USP32: variants seen among roughly 807,000 people sequenced by gnomAD.
USP32 encodes ubiquitin carboxyl-terminal hydrolase 32.
A neutral mutation model predicts 204.8 loss-of-function variants in USP32; 59 were observed. The ratio of observed to expected loss-of-function variants is 0.29; its 90% CI spans 0.23 to 0.36. USP32 has a LOEUF of 0.36. Among genes scored for constraint, USP32 ranks in the 10% least tolerant of loss-of-function variants. The pLI is 1.00. For missense variants in USP32, 1,160 were observed against 1,946.4 expected (o/e 0.60, Z 7.60); for synonymous variants, 517 against 678.4 (o/e 0.76, Z 3.70).
chr17:60,340,576 A>G (rs2145990597), intron 2 of USP32, among the ~76,000 whole-genome samples: 1 of 152,188 alleles, frequency 6.6e-6, no homozygotes, highest in South Asian at 2.1e-4. Flanking sequence ...TGCACGTGAG[A>G]TGGGTCTCCT....
chr17:60,358,583 TAATAAA>T (rs757787405), intron 1 of USP32, among the ~76,000 whole-genome samples: 4 of 151,846 alleles, frequency 2.6e-5, no homozygotes, highest in Non-Finnish European at 5.9e-5. Context: ...CAAAAAAACA[TAATAAA>T]AATAAAAATA....
chr17:60,398,626 T>A (rs999439722), intron 1 of USP32, among the ~76,000 whole-genome samples: 1 of 152,164 alleles, frequency 6.6e-6, no homozygotes, highest in African/African-American at 2.4e-5. Flanking sequence ...ATAAAGCACT[T>A]TTTGTGTGCT....
chr17:60,256,227 T>C (rs1407429172), intron 9 of USP32, among the ~76,000 whole-genome samples: 2 of 151,100 alleles, frequency 1.3e-5, no homozygotes, highest in Non-Finnish European at 3.0e-5. Context: ...AATAGAGAAA[T>C]AAGCTAAAGG....
chr17:60,413,498 G>A (rs1434538858), intron 1 of USP32, among the ~76,000 whole-genome samples: 1 of 152,158 alleles, frequency 6.6e-6, no homozygotes, highest in Non-Finnish European at 1.5e-5. Context: ...GGGAGGACAG[G>A]TGGATTAAAA....
Position 60,178,108 on chromosome 17 carries a change from T to C in USP32, c.*1147A>G, listed in dbSNP as rs2084012618. Among the ~76,000 whole-genome samples the C allele has an allele frequency of 6.6e-6, 1 of 152,132 alleles. No homozygotes were observed. Among genetic ancestry groups the C allele is most frequent in the African/African-American group, 2.4e-5 (1 of 41,408 alleles). On this transcript the variant is annotated 3_prime_UTR_variant, in exon 34 of 34. Coordinates refer to ENST00000300896, the MANE Select transcript of USP32 (RefSeq NM_032582.4). ...AAAGACAAATATCAAAATAAAAAAA[T>C]TAGTGGACATGCAAACAAAGCAAAA...
intron 18 of USP32, 145 bp downstream of exon 18, chr17:60,213,436 T>A (rs1477705798): frequency 3.9e-6 from 2 of 511,952 alleles, no homozygotes; most frequent in East Asian, 3.5e-5. Flanking sequence ...TTTCTTTTTC[T>A]TTTTTTTCCA....
At chr17:60,243,852 A>T (rs550326223) in intron 11 of USP32, among the ~76,000 whole-genome samples, 1 of 152,072 alleles carries the variant, frequency 6.6e-6, no homozygotes, top group Admixed American at 6.5e-5. Context: ...ATCATCATTT[A>T]TCATAATAAA....
At chr17:60,373,055 T>C (rs2089470862) in intron 1 of USP32, among the ~76,000 whole-genome samples, 1 of 151,866 alleles carries the variant, frequency 6.6e-6, no homozygotes, top group Non-Finnish European at 1.5e-5. Flanking sequence ...TAGTCGCAGC[T>C]ACTCTATAGG....
chr17:60,184,326 A>G (rs1037482773), intron 30 of USP32, among the ~76,000 whole-genome samples: 1 of 149,842 alleles, frequency 6.7e-6, no homozygotes, highest in Non-Finnish European at 1.5e-5. Context: ...AAAAAAAAAA[A>G]AAAAAGTCTC....
At chr17:60,349,027 T>G (rs1181617820) in intron 1 of USP32, among the ~76,000 whole-genome samples, 1 of 152,012 alleles carries the variant, frequency 6.6e-6, no homozygotes, top group Admixed American at 6.6e-5. Flanking sequence ...TGCCTAATTT[T>G]CATTAATGGC....
intron 18 of USP32, among the ~76,000 whole-genome samples, chr17:60,213,043 G>T (rs1287878939): frequency 6.6e-6 from 1 of 152,212 alleles, no homozygotes; most frequent in East Asian, 1.9e-4. Context: ...GTGAGCCACT[G>T]CGCCCGGCCT....
intron 5 of USP32, among the ~76,000 whole-genome samples, chr17:60,284,641 T>C (rs1028813831): frequency 3.3e-5 from 5 of 152,222 alleles, no homozygotes; most frequent in Non-Finnish European, 7.3e-5. Context: ...ATTTGACTGA[T>C]TAAATAAATT....
chr17:60,196,909 G>C (rs941035148), intron 27 of USP32, among the ~76,000 whole-genome samples: 2 of 151,938 alleles, frequency 1.3e-5, no homozygotes, highest in African/African-American at 4.8e-5. Flanking sequence ...GGCCAGGTGT[G>C]GTGGCTCACA....
intron 2 of USP32, among the ~76,000 whole-genome samples, chr17:60,331,504 T>C (rs1404514461): frequency 6.7e-6 from 1 of 150,058 alleles, no homozygotes; most frequent in Admixed American, 6.7e-5. Context: ...AGGTCAATGC[T>C]GCAGTGAGCT....
intron 5 of USP32, among the ~76,000 whole-genome samples, chr17:60,279,606 G>A (rs1403665660): frequency 6.6e-6 from 1 of 151,964 alleles, no homozygotes. Context: ...GGAGGCTGAG[G>A]CAGGTAGATC....
chr17:60,222,980 C>CA (rs1411914062), intron 14 of USP32, among the ~76,000 whole-genome samples: 2 of 151,786 alleles, frequency 1.3e-5, no homozygotes, highest in Admixed American at 6.6e-5. Flanking sequence ...CCACGTCCAG[C>CA]AAAAAAACTG....
chr17:60,378,005 C>A (rs2089580875), intron 1 of USP32, among the ~76,000 whole-genome samples: 3 of 152,108 alleles, frequency 2.0e-5, no homozygotes, highest in African/African-American at 7.2e-5. Flanking sequence ...CTGTAACCCA[C>A]AGAAATATTT....
intron 32 of USP32, 120 bp downstream of exon 32, chr17:60,181,204 T>C (rs2084102305): frequency 1.5e-6 from 2 of 1,314,502 alleles, no homozygotes; most frequent in East Asian, 2.4e-5. Context: ...ACTTTGTCTA[T>C]CACTAAGCTC....
intron 1 of USP32, among the ~76,000 whole-genome samples, chr17:60,349,592 AAAAAATATAT>A (rs1295044514): frequency 2.0e-5 from 1 of 49,372 alleles, no homozygotes; most frequent in African/African-American, 1.5e-4. Flanking sequence ...AAAAAAAAAA[AAAAAATATAT>A]ATATATATAT....
Sources: gnomAD v4.1 joint callset for allele counts (sites outside exome capture counted in the v4.1 genomes callset) on GRCh38, gnomAD v4.1.1 for gene constraint, MANE v1.5 for transcripts, NCBI Gene and HGNC (gene_info 2026-07-23, HGNC 2026-07-21) for gene names.